AK8: variants seen among roughly 807,000 people sequenced by gnomAD.
AK8 encodes ATP-AMP transphosphorylase 8.
Under a neutral mutation model 54.6 loss-of-function variants are expected in AK8, and 44 were observed. The observed-to-expected ratio is 0.81, with a 90% CI of 0.63 to 1.04. The LOEUF (loss-of-function observed/expected upper bound fraction) is 1.04, where lower values mean the gene tolerates loss of function less well. Ranked by LOEUF, AK8 falls within the 50% of genes least tolerant of loss-of-function variation. The pLI is 0.00. For missense variants in AK8, 555 were observed against 613.6 expected, an observed-to-expected ratio of 0.90 and a Z score of 1.01; for synonymous variants, 239 against 245.6, an observed-to-expected ratio of 0.97 and a Z score of 0.25.
At chr9:132,858,419 C>A (rs1036157814) in intron 4 of AK8, among the ~76,000 whole-genome samples, 1 of 152,262 alleles carries the variant, frequency 6.6e-6, no homozygotes, top group African/African-American at 2.4e-5. Flanking sequence ...CTGCATCTTC[C>A]TGTCCCATCT....
Position 132,799,712 on chromosome 9 carries a change from C to T in AK8, c.980-6937G>A, listed in dbSNP as rs1840353469. Reference sequence around the variant, plus strand: ...ACACGAAGCACACACCCTCATTACACAAACACATCTAGCAAACACACCTAC... The same window carrying T: ...ACACGAAGCACACACCCTCATTACATAAACACATCTAGCAAACACACCTAC... On this transcript the variant is annotated intron_variant, in intron 10 of 12. Coordinates refer to ENST00000298545, the MANE Select transcript of AK8 (RefSeq NM_152572.3). The surrounding 1 kb of genome is among the most constrained non-coding windows in gnomAD (Gnocchi z 5.0). 6.6e-6 allele frequency among the ~76,000 whole-genome samples: 1 copy of T among 152,132 alleles called. No individual in the cohort carries two copies.
chr9:132,846,413 ACTTCTGTTC>A (rs1280333381), intron 5 of AK8, among the ~76,000 whole-genome samples: 1 of 152,172 alleles, frequency 6.6e-6, no homozygotes, highest in Non-Finnish European at 1.5e-5. Flanking sequence ...CATGACTAGA[ACTTCTGTTC>A]CTTGAGAGCA....
intron 11 of AK8, among the ~76,000 whole-genome samples, chr9:132,761,969 A>G (rs1018153901): frequency 2.0e-5 from 3 of 152,098 alleles, no homozygotes; most frequent in Non-Finnish European, 4.4e-5. Flanking sequence ...TCCCCAGTTC[A>G]AGCAATTCTT....
intron 10 of AK8, among the ~76,000 whole-genome samples, chr9:132,812,526 A>ATGACGGGTGAGCCG (rs1564415056): frequency 0.077 from 535 of 6,970 alleles, 12 homozygotes; most frequent in South Asian, 0.26. Flanking sequence ...GGGGTGAGCT[A>ATGACGGGTGAGCCG]CCGTGCCCAC....
intron 9 of AK8, among the ~76,000 whole-genome samples, chr9:132,816,880 G>A (rs7864055): frequency 0.096 from 14,566 of 152,158 alleles, 894 homozygotes; most frequent in African/African-American, 0.15. Context: ...GCTCTGAGAC[G>A]GCCAGAATTT....
intron 5 of AK8, among the ~76,000 whole-genome samples, chr9:132,846,068 G>A (rs2131358699): frequency 6.6e-6 from 1 of 152,280 alleles, no homozygotes; most frequent in East Asian, 1.9e-4. Flanking sequence ...CTGAGGCCCT[G>A]CATCTCTGGA....
intron 11 of AK8, among the ~76,000 whole-genome samples, chr9:132,751,997 C>T (rs1462814662): frequency 2.6e-5 from 4 of 151,722 alleles, no homozygotes; most frequent in Admixed American, 1.3e-4. Context: ...CAGCACCACA[C>T]CTGACTAATT....
chr9:132,858,787 G>C (rs1843274579), intron 4 of AK8, among the ~76,000 whole-genome samples: 1 of 152,216 alleles, frequency 6.6e-6, no homozygotes, highest in Non-Finnish European at 1.5e-5. Flanking sequence ...TGGGGGACCA[G>C]AGACAAGAGG....
At chr9:132,857,763 G>C (rs1471582604) in intron 4 of AK8, among the ~76,000 whole-genome samples, 2 of 152,218 alleles carry the variant, frequency 1.3e-5, no homozygotes, top group African/African-American at 2.4e-5. Context: ...GACAGCCCCG[G>C]TGGGGCACAG....
intron 5 of AK8, among the ~76,000 whole-genome samples, chr9:132,828,938 CAT>C (rs1714672820): frequency 2.0e-5 from 3 of 151,604 alleles, no homozygotes; most frequent in African/African-American, 4.8e-5. Flanking sequence ...ATAATCATAA[CAT>C]ATATATTTTA....
chr9:132,753,238 A>G (rs1838032636), intron 11 of AK8, among the ~76,000 whole-genome samples: 1 of 152,186 alleles, frequency 6.6e-6, no homozygotes, highest in East Asian at 1.9e-4. Context: ...CCCCCTAGTA[A>G]GCCAGCTGGT....
intron 11 of AK8, among the ~76,000 whole-genome samples, chr9:132,774,104 A>G (rs1450505807): frequency 8.5e-5 from 13 of 152,246 alleles, no homozygotes; most frequent in Non-Finnish European, 1.5e-5. Flanking sequence ...CTGGCCTGGC[A>G]GACCTTATTG....
chr9:132,855,718 G>A (rs1843149311), intron 4 of AK8, among the ~76,000 whole-genome samples: 1 of 152,206 alleles, frequency 6.6e-6, no homozygotes, highest in South Asian at 2.1e-4. Context: ...GCTAGCATTT[G>A]TTGAGCACGT....
rs191778257 is a variant in AK8 at position 132,845,514 on chromosome 9, G to A, written c.402+9343C>T. Among the ~76,000 whole-genome samples, 610 of 152,340 alleles carry A rather than the reference G, an allele frequency of 4.0e-3. 4 individuals carry two copies. The highest frequency in any genetic ancestry group is 0.014 in the African/African-American group (575 of 41,566). On this transcript the variant is annotated intron_variant, in intron 5 of 12. Transcript: ENST00000298545. Reference sequence around the variant, plus strand: ...TATTTGAAAGACTATTCTAGGCCGGGTGCAGTGGCTCATGCCTGTAATCCC... The same window carrying A: ...TATTTGAAAGACTATTCTAGGCCGGATGCAGTGGCTCATGCCTGTAATCCC...
rs1839897978 is a variant in AK8 at position 132,790,437 on chromosome 9, G to A, written c.1121+2197C>T. On this transcript the variant is annotated intron_variant, in intron 11 of 12. Transcript: ENST00000298545. This position sits in a 1 kb window ranked among gnomAD's most constrained non-coding sequence, Gnocchi z 4.1. ...AGCTAATTTTTTGTATTTTTTAGTA[G>A]AGACGGGTTTCACCATGTTAGCCAG... Among the ~76,000 whole-genome samples, 1 of 152,126 alleles carries A rather than the reference G, an allele frequency of 6.6e-6. No homozygotes were observed. The highest frequency in any genetic ancestry group is 2.4e-5 in the African/African-American group (1 of 41,422).
At chr9:132,820,392 A>T (rs1291700445) in intron 9 of AK8, among the ~76,000 whole-genome samples, 1 of 152,158 alleles carries the variant, frequency 6.6e-6, no homozygotes, top group African/African-American at 2.4e-5. Flanking sequence ...TTATTTAGCC[A>T]TGTATCACTG....
chr9:132,774,757 G>A (rs891072064), intron 11 of AK8, among the ~76,000 whole-genome samples: 5 of 152,162 alleles, frequency 3.3e-5, no homozygotes, highest in Non-Finnish European at 7.4e-5. Context: ...TTCTGTTAAA[G>A]GTCACCTGTC....
chr9:132,750,955 G>A (rs1349128522), intron 11 of AK8, among the ~76,000 whole-genome samples: 1 of 152,020 alleles, frequency 6.6e-6, no homozygotes, highest in Admixed American at 6.6e-5. Context: ...AAAGAACCCA[G>A]GGTTAAACTG....
intron 10 of AK8, among the ~76,000 whole-genome samples, chr9:132,810,727 C>T (rs1021545443): frequency 1.3e-5 from 2 of 152,122 alleles, no homozygotes; most frequent in African/African-American, 2.4e-5. Context: ...AAAAAACCAA[C>T]ATCCTCATAT....
Sources: gnomAD v4.1 joint callset for allele counts (sites outside exome capture counted in the v4.1 genomes callset) on GRCh38, gnomAD v4.1.1 for gene constraint, Gnocchi (gnomAD v3.1) non-coding constraint, MANE v1.5 for transcripts, NCBI Gene and HGNC (gene_info 2026-07-23, HGNC 2026-07-21) for gene names.